The following ST6GALNAC3 variants were observed in gnomAD, a reference collection of about 807,000 sequenced individuals.
The protein encoded by ST6GALNAC3 is alpha-N-acetylgalactosaminide alpha-2,6-sialyltransferase 3.
In ST6GALNAC3, 25 loss-of-function variants were observed where a neutral mutation model predicts 32.7. That is an observed-to-expected ratio of 0.76 (90% confidence interval 0.56 to 1.07). The LOEUF (loss-of-function observed/expected upper bound fraction) is 1.07, where lower values mean the gene tolerates loss of function less well. Among genes scored for constraint, ST6GALNAC3 ranks in the 50% least tolerant of loss-of-function variants. ST6GALNAC3 has a pLI of 0.00. For missense variants in ST6GALNAC3, 355 were observed against 382.4 expected, an observed-to-expected ratio of 0.93 and a Z score of 0.60; for synonymous variants, 129 against 133.1, an observed-to-expected ratio of 0.97 and a Z score of 0.21.
At chr1:76,188,832 C>A (rs951322449) in intron 1 of ST6GALNAC3, among the ~76,000 whole-genome samples, 2 of 152,164 alleles carry the variant, frequency 1.3e-5, no homozygotes, top group African/African-American at 4.8e-5. Context: ...CAGAAGAGGA[C>A]AATTGGTCTT....
At chr1:76,278,375 C>A (rs560986182) in intron 1 of ST6GALNAC3, among the ~76,000 whole-genome samples, 16 of 152,120 alleles carry the variant, frequency 1.1e-4, no homozygotes, top group Admixed American at 9.2e-4. Flanking sequence ...GGGCCCGCCA[C>A]CATGCCCAGC....
chr1:76,382,799 G>C (rs899150158), intron 2 of ST6GALNAC3, among the ~76,000 whole-genome samples: 2 of 152,154 alleles, frequency 1.3e-5, no homozygotes, highest in African/African-American at 4.8e-5. Context: ...AAGTATGTTG[G>C]AGTCCCAGAA....
intron 2 of ST6GALNAC3, among the ~76,000 whole-genome samples, chr1:76,338,870 G>A (rs147830877): frequency 5.1e-4 from 78 of 152,280 alleles, no homozygotes; most frequent in African/African-American, 1.8e-3. Flanking sequence ...CATCACATCT[G>A]GTTATGTAGT....
In ST6GALNAC3 at chr1:76,420,361, T is replaced by A. The variant is rs1190356420; in HGVS notation, c.623+7944T>A. ...TGCTTGTAGTTGGATCCTAACTTTG[T>A]GATCCTGCCCTATTCCTTAGCAAAT... On this transcript the variant is annotated intron_variant, in intron 3 of 4. Coordinates refer to ENST00000328299, the MANE Select transcript of ST6GALNAC3 (RefSeq NM_152996.4). 2.0e-5 allele frequency among the ~76,000 whole-genome samples: 3 copies of A among 152,226 alleles called. No individual in the cohort carries two copies. In the East Asian group the frequency reaches 5.8e-4, roughly 29 times the overall value.
chr1:76,478,760 CTTTT>C (rs397861238), intron 3 of ST6GALNAC3, among the ~76,000 whole-genome samples: 1 of 109,084 alleles, frequency 9.2e-6, no homozygotes, highest in Non-Finnish European at 1.8e-5. Flanking sequence ...TTTATTAATT[CTTTT>C]TTTTTTTTTT....
At chr1:76,623,410 A>T (rs577957744) in intron 3 of ST6GALNAC3, among the ~76,000 whole-genome samples, 1 of 151,874 alleles carries the variant, frequency 6.6e-6, no homozygotes, top group East Asian at 1.9e-4. Flanking sequence ...AAGCTTTCCT[A>T]TTGCACAGAA....
At chr1:76,278,259 CA>C (rs1449710352) in intron 1 of ST6GALNAC3, among the ~76,000 whole-genome samples, 5 of 104,848 alleles carry the variant, frequency 4.8e-5, no homozygotes, top group African/African-American at 1.4e-4. Context: ...CTCGCTCTGT[CA>C]TCCCAGGCTG....
At chr1:76,329,642 T>C (rs1048558608) in intron 2 of ST6GALNAC3, among the ~76,000 whole-genome samples, 2 of 152,116 alleles carry the variant, frequency 1.3e-5, no homozygotes, top group East Asian at 3.9e-4. Flanking sequence ...CACGGCTCTC[T>C]CTCATGAGTC....
rs1232262395 is a variant in ST6GALNAC3 at position 76,430,692 on chromosome 1, A to T, written c.623+18275A>T. Among the ~76,000 whole-genome samples, 4 of 152,006 alleles carry T rather than the reference A, an allele frequency of 2.6e-5. No homozygotes were observed. In the East Asian group the frequency reaches 7.7e-4, roughly 29 times the overall value. On this transcript the variant is annotated intron_variant, in intron 3 of 4. Transcript: ENST00000328299. ...GTACAGGCTAGTTTGGCTGCTTCTT[A>T]TCTTTTATGTACAGTTCCAGCTGGC... is the stretch of plus-strand genomic sequence containing the variant.
At chr1:76,594,875 G>C in intron 3 of ST6GALNAC3, among the ~76,000 whole-genome samples, 1 of 152,122 alleles carries the variant, frequency 6.6e-6, no homozygotes, top group Non-Finnish European at 1.5e-5. Context: ...GGAGGTAATT[G>C]ATCATAGTAT....
At chr1:76,130,269 G>A (rs1649525384) in intron 1 of ST6GALNAC3, among the ~76,000 whole-genome samples, 1 of 152,306 alleles carries the variant, frequency 6.6e-6, no homozygotes, top group African/African-American at 2.4e-5. Context: ...CACCACCCAG[G>A]AATTGGCAAA....
At chr1:76,479,292 C>T (rs1571359598) in intron 3 of ST6GALNAC3, among the ~76,000 whole-genome samples, 1 of 152,158 alleles carries the variant, frequency 6.6e-6, no homozygotes, top group South Asian at 2.1e-4. Context: ...CCTCACATAG[C>T]CTCATACAAT....
chr1:76,413,123 C>T (rs977356025), intron 3 of ST6GALNAC3: 6 of 191,540 alleles, frequency 3.1e-5, no homozygotes, highest in Middle Eastern at 4.8e-4. Context: ...AGCCTGCTTT[C>T]CCCTCCCCTT....
At chr1:76,426,215 T>C (rs1655373059) in intron 3 of ST6GALNAC3, among the ~76,000 whole-genome samples, 2 of 151,926 alleles carry the variant, frequency 1.3e-5, no homozygotes, top group African/African-American at 2.4e-5. Context: ...GATATGTGTT[T>C]GCTATTTTCT....
intron 3 of ST6GALNAC3, among the ~76,000 whole-genome samples, chr1:76,488,071 A>G (rs1457689657): frequency 6.6e-6 from 1 of 152,136 alleles, no homozygotes. Context: ...TGGGAAGAAG[A>G]GTGATATAGT....
intron 1 of ST6GALNAC3, among the ~76,000 whole-genome samples, chr1:76,225,714 T>G (rs374701674): frequency 2.6e-5 from 4 of 152,164 alleles, no homozygotes; most frequent in African/African-American, 9.7e-5. Flanking sequence ...AGTTGGCTAA[T>G]AAGTTACATG....
chr1:76,206,750 G>A (rs1452437862), intron 1 of ST6GALNAC3, among the ~76,000 whole-genome samples: 2 of 151,886 alleles, frequency 1.3e-5, no homozygotes, highest in Non-Finnish European at 2.9e-5. Flanking sequence ...AAATGCTGTC[G>A]TTAGAAAGGC....
At chr1:76,388,478 C>G (rs1652268305) in intron 2 of ST6GALNAC3, among the ~76,000 whole-genome samples, 1 of 152,144 alleles carries the variant, frequency 6.6e-6, no homozygotes. Flanking sequence ...CATTATTACT[C>G]TTTTGAAAAA....
intron 1 of ST6GALNAC3, among the ~76,000 whole-genome samples, chr1:76,101,762 G>A (rs936167054): frequency 6.6e-6 from 1 of 152,138 alleles, no homozygotes; most frequent in African/African-American, 2.4e-5. Flanking sequence ...TCAGTTAAGA[G>A]CAGTTTCTAA....
Sources: allele counts gnomAD v4.1 joint callset (sites outside exome capture counted in the v4.1 genomes callset), GRCh38; gene constraint gnomAD v4.1.1; transcripts MANE v1.5; gene names NCBI Gene and HGNC (gene_info 2026-07-23, HGNC 2026-07-21).